PDGFD: variants seen among roughly 807,000 people sequenced by gnomAD.
PDGFD encodes the protein platelet derived growth factor D, also known as platelet-derived growth factor D.
Under a neutral mutation model 44.7 loss-of-function variants are expected in PDGFD, and 30 were observed. That is an observed-to-expected ratio of 0.67 (90% confidence interval 0.50 to 0.91). The LOEUF is 0.91. Among genes scored for constraint, PDGFD ranks in the 40% least tolerant of loss-of-function variants. The pLI is 0.00. For synonymous variants in PDGFD, 173 were observed against 168.4 expected (o/e 1.03, Z -0.21); for missense variants, 445 against 457.8 (o/e 0.97, Z 0.25).
intron 6 of PDGFD, among the ~76,000 whole-genome samples, chr11:103,911,259 G>A (rs1858024903): frequency 6.6e-6 from 1 of 152,132 alleles, no homozygotes; most frequent in Non-Finnish European, 1.5e-5. Context: ...CTCCTCAAGT[G>A]GGTCCCTGAC....
At chr11:103,995,572 G>A (rs944736391) in intron 3 of PDGFD, among the ~76,000 whole-genome samples, 1 of 152,168 alleles carries the variant, frequency 6.6e-6, no homozygotes, top group African/African-American at 2.4e-5. Flanking sequence ...AGATGCTTAT[G>A]AGCCCTGAGG....
intron 1 of PDGFD, among the ~76,000 whole-genome samples, chr11:104,085,739 A>C (rs1449807679): frequency 6.6e-6 from 1 of 152,170 alleles, no homozygotes; most frequent in East Asian, 1.9e-4. Context: ...AGCTTAATAG[A>C]AAACTTCTGG....
chr11:103,920,893 T>G (rs1423383918), intron 6 of PDGFD, among the ~76,000 whole-genome samples: 2 of 152,226 alleles, frequency 1.3e-5, no homozygotes, highest in Admixed American at 6.5e-5. Context: ...TTTTTATTCC[T>G]TACACAATTT....
At chr11:103,939,522 C>G (rs1858549777) in intron 5 of PDGFD, among the ~76,000 whole-genome samples, 1 of 152,152 alleles carries the variant, frequency 6.6e-6, no homozygotes, top group Non-Finnish European at 1.5e-5. Context: ...TTGACTTCCT[C>G]TTTTCCTAAT....
At chr11:104,031,593 C>A (rs1329557050) in intron 1 of PDGFD, among the ~76,000 whole-genome samples, 3 of 151,978 alleles carry the variant, frequency 2.0e-5, no homozygotes, top group Non-Finnish European at 4.4e-5. Context: ...GGCGATTCCT[C>A]AAGGATCCAG....
At chr11:104,027,841 A>T (rs1256977545) in intron 1 of PDGFD, among the ~76,000 whole-genome samples, 2 of 152,182 alleles carry the variant, frequency 1.3e-5, no homozygotes, top group Middle Eastern at 3.2e-3. Context: ...TGATATTTTC[A>T]AAGAACAGAT....
At chr11:103,951,276 G>T (rs1858752425) in intron 3 of PDGFD, among the ~76,000 whole-genome samples, 2 of 152,092 alleles carry the variant, frequency 1.3e-5, no homozygotes, top group Admixed American at 6.5e-5. Context: ...CAAGGTTTTA[G>T]CCCTGAAAGG....
At chr11:104,037,753 G>A (rs1464685022) in intron 1 of PDGFD, 5 of 1,614,126 alleles carry the variant, frequency 3.1e-6, no homozygotes, top group Non-Finnish European at 4.2e-6. Flanking sequence ...TCAAATTGAA[G>A]GTGATTTCTT....
intron 1 of PDGFD, among the ~76,000 whole-genome samples, chr11:104,145,847 C>T (rs544059717): frequency 5.3e-4 from 81 of 152,176 alleles, no homozygotes; most frequent in African/African-American, 1.8e-3. Context: ...GTATAGGACA[C>T]GTGTTCTTTT....
At chr11:104,102,836 C>T (rs1040784206) in intron 1 of PDGFD, among the ~76,000 whole-genome samples, 1 of 152,064 alleles carries the variant, frequency 6.6e-6, no homozygotes, top group Non-Finnish European at 1.5e-5. Flanking sequence ...GGACAAAAAA[C>T]CAAACACCGC....
intron 1 of PDGFD, among the ~76,000 whole-genome samples, chr11:104,117,774 C>T (rs916782413): frequency 2.6e-5 from 4 of 151,794 alleles, no homozygotes; most frequent in East Asian, 1.9e-4. Flanking sequence ...TTCATGGATG[C>T]GTACAATCAA....
intron 5 of PDGFD, among the ~76,000 whole-genome samples, chr11:103,934,132 T>C (rs1858451100): frequency 6.6e-6 from 1 of 152,226 alleles, no homozygotes; most frequent in Non-Finnish European, 1.5e-5. Flanking sequence ...TGATTCTCTA[T>C]TTTCTAGCTC....
At chr11:104,026,095 A>C (rs944496420) in intron 1 of PDGFD, among the ~76,000 whole-genome samples, 3 of 152,148 alleles carry the variant, frequency 2.0e-5, no homozygotes, top group African/African-American at 7.2e-5. Flanking sequence ...CCATGGCTGT[A>C]ACACTATCTT....
chr11:104,017,079 G>A (rs749476954), intron 1 of PDGFD, among the ~76,000 whole-genome samples: 12 of 152,250 alleles, frequency 7.9e-5, no homozygotes, highest in Non-Finnish European at 1.5e-4. Context: ...ATGAGATTAC[G>A]GATTTATAAA....
At chr11:103,937,914 T>C (rs1184722772) in intron 5 of PDGFD, among the ~76,000 whole-genome samples, 2 of 151,878 alleles carry the variant, frequency 1.3e-5, no homozygotes, top group Non-Finnish European at 2.9e-5. Flanking sequence ...TAGTATTCCA[T>C]GGTGTATATG....
chr11:104,107,145 A>T (rs1034798318), intron 1 of PDGFD, among the ~76,000 whole-genome samples: 1 of 152,184 alleles, frequency 6.6e-6, no homozygotes, highest in African/African-American at 2.4e-5. Flanking sequence ...TGATGTAATT[A>T]AAGTCCCTAA....
At chr11:103,955,906 T>C (rs1858837177) in intron 3 of PDGFD, among the ~76,000 whole-genome samples, 1 of 152,130 alleles carries the variant, frequency 6.6e-6, no homozygotes, top group African/African-American at 2.4e-5. Flanking sequence ...AGTACAATGT[T>C]TTAATTTAGA....
chr11:104,100,628 C>T (rs1861363149), intron 1 of PDGFD, among the ~76,000 whole-genome samples: 1 of 152,082 alleles, frequency 6.6e-6, no homozygotes, highest in South Asian at 2.1e-4. Context: ...ATACCAAAGC[C>T]TGGCAGAGAC....
chr11:104,163,763 A>T (rs773102916), intron 1 of PDGFD, 41 bp downstream of exon 1: 1 of 1,501,316 alleles, frequency 6.7e-7, no homozygotes, highest in Non-Finnish European at 9.0e-7. Flanking sequence ...AATAGCAAAC[A>T]TGATTTTTTT....
Sources: gnomAD v4.1 joint callset for allele counts (sites outside exome capture counted in the v4.1 genomes callset) on GRCh38, gnomAD v4.1.1 for gene constraint, MANE v1.5 for transcripts, NCBI Gene and HGNC (gene_info 2026-07-23, HGNC 2026-07-21) for gene names.